OR1J2: variants seen among roughly 807,000 people sequenced by gnomAD.
The protein encoded by OR1J2 is olfactory receptor family 1 subfamily J member 2.
For missense variants in OR1J2, 304 were observed against 246.1 expected, an observed-to-expected ratio of 1.24 and a Z score of -1.57; for synonymous variants, 142 against 99.7, an observed-to-expected ratio of 1.42 and a Z score of -2.52.
At chr9:122,493,993 AG>A in the OR1J2 span, among the ~76,000 whole-genome samples, 1 of 152,292 alleles carries the variant, frequency 6.6e-6, no homozygotes, top group African/African-American at 2.4e-5. Flanking sequence ...CATGATTTTA[AG>A]GTTTCCTTTT....
At chr9:122,525,426 T>C in the OR1J2 span, among the ~76,000 whole-genome samples, 1 of 152,178 alleles carries the variant, frequency 6.6e-6, no homozygotes, top group Non-Finnish European at 1.5e-5. Context: ...TGATACCAGA[T>C]GTAAGAAATC....
chr9:122,519,576 A>C, the OR1J2 span: 30 of 1,614,112 alleles, frequency 1.9e-5, no homozygotes, highest in Middle Eastern at 3.3e-4. Context: ...CTTACTAGTC[A>C]CTGTGTCCTG....
At chr9:122,458,439 A>G in the OR1J2 span, among the ~76,000 whole-genome samples, 1 of 152,202 alleles carries the variant, frequency 6.6e-6, no homozygotes, top group African/African-American at 2.4e-5. Flanking sequence ...AGACATACCT[A>G]AGACTGGGTA....
At chr9:122,548,818 G>A in the OR1J2 span, among the ~76,000 whole-genome samples, 1 of 142,564 alleles carries the variant, frequency 7.0e-6, no homozygotes, top group Non-Finnish European at 1.5e-5. Context: ...TGTTGTTGTT[G>A]TTGTTGTTGT....
At chr9:122,572,351 T>C in the OR1J2 span, among the ~76,000 whole-genome samples, 1 of 152,168 alleles carries the variant, frequency 6.6e-6, no homozygotes, top group East Asian at 1.9e-4. Flanking sequence ...AAAGCAGTCA[T>C]TCATGAAAAG....
chr9:122,500,397 C>T, the OR1J2 span, among the ~76,000 whole-genome samples: 1 of 152,142 alleles, frequency 6.6e-6, no homozygotes, highest in Non-Finnish European at 1.5e-5. Context: ...GTCACAGGGT[C>T]CATTTGCCAG....
the OR1J2 span, chr9:122,519,501 G>T: frequency 6.2e-7 from 1 of 1,613,916 alleles, no homozygotes; most frequent in Non-Finnish European, 8.5e-7. Context: ...AATGGCATAC[G>T]ATCGGTATGT....
At chr9:122,553,777 AG>A in the OR1J2 span, 1 of 1,614,064 alleles carries the variant, frequency 6.2e-7, no homozygotes, top group East Asian at 2.2e-5. Context: ...GCTCTCCTGA[AG>A]CTTGCCTGCT....
At chr9:122,459,812 G>T in the OR1J2 span, among the ~76,000 whole-genome samples, 1 of 152,076 alleles carries the variant, frequency 6.6e-6, no homozygotes, top group Non-Finnish European at 1.5e-5. Context: ...AGTGTACATT[G>T]TAGTCAATGT....
At chr9:122,544,097 A>G in the OR1J2 span, among the ~76,000 whole-genome samples, 2 of 152,198 alleles carry the variant, frequency 1.3e-5, no homozygotes, top group African/African-American at 4.8e-5. Flanking sequence ...GTATGCATAG[A>G]TCAAAACATT....
At chr9:122,533,142 G>T in the OR1J2 span, among the ~76,000 whole-genome samples, 1 of 152,120 alleles carries the variant, frequency 6.6e-6, no homozygotes, top group Non-Finnish European at 1.5e-5. Flanking sequence ...CAGAATAATG[G>T]GTTGTAGAGG....
the OR1J2 span, chr9:122,567,694 G>T: frequency 2.5e-6 from 4 of 1,614,106 alleles, no homozygotes; most frequent in Non-Finnish European, 3.4e-6. Flanking sequence ...GATGGGGGCT[G>T]TAAATAGACA....
chr9:122,540,757 G>T, the OR1J2 span, among the ~76,000 whole-genome samples: 2 of 152,148 alleles, frequency 1.3e-5, no homozygotes, highest in African/African-American at 4.8e-5. Context: ...AGCATGGAAG[G>T]TTCTTCCATT....
chr9:122,517,137 A>C, the OR1J2 span, among the ~76,000 whole-genome samples: 1 of 152,240 alleles, frequency 6.6e-6, no homozygotes, highest in Non-Finnish European at 1.5e-5. Context: ...ACTGAAGCTC[A>C]GGCCAACTGG....
chr9:122,506,714 T>C (rs1828528068), upstream of OR1J2, among the ~76,000 whole-genome samples: 1 of 151,374 alleles, frequency 6.6e-6, no homozygotes, highest in African/African-American at 2.4e-5. Context: ...GGAGAAGAGA[T>C]AGAATGTAAA....
At chr9:122,496,439 T>C in the OR1J2 span, among the ~76,000 whole-genome samples, 1 of 152,206 alleles carries the variant, frequency 6.6e-6, no homozygotes, top group Non-Finnish European at 1.5e-5. Flanking sequence ...CCTAGGCCAA[T>C]GGAGTTATAT....
chr9:122,480,145 C>T, the OR1J2 span, among the ~76,000 whole-genome samples: 1 of 151,996 alleles, frequency 6.6e-6, no homozygotes, highest in Non-Finnish European at 1.5e-5. Context: ...TAACATATCA[C>T]AGCTTGTTAC....
the OR1J2 span, chr9:122,527,388 A>C: frequency 7.3e-6 from 5 of 680,678 alleles, no homozygotes; most frequent in Admixed American, 5.8e-5. Context: ...CTTTAAGTTC[A>C]TTATATTCCT....
At chr9:122,461,592 TC>T in the OR1J2 span, among the ~76,000 whole-genome samples, 1 of 152,138 alleles carries the variant, frequency 6.6e-6, no homozygotes, top group African/African-American at 2.4e-5. Flanking sequence ...CTTTGCTGTT[TC>T]CCTGAGGGTT....
Sources: allele counts gnomAD v4.1 joint callset (sites outside exome capture counted in the v4.1 genomes callset), GRCh38; gene constraint gnomAD v4.1.1; transcripts MANE v1.5; gene names NCBI Gene and HGNC (gene_info 2026-07-23, HGNC 2026-07-21).